The following UST variants were observed in gnomAD, a reference collection of about 807,000 sequenced individuals.
UST encodes uronyl 2-sulfotransferase.
In UST, 21 loss-of-function variants were observed where a neutral mutation model predicts 45.6. The ratio of observed to expected loss-of-function variants is 0.46; its 90% CI spans 0.33 to 0.66. UST has a LOEUF of 0.66. Ranked by LOEUF, UST falls within the 30% of genes least tolerant of loss-of-function variation. The pLI is 0.02. For synonymous variants in UST, 215 were observed against 200.6 expected, an observed-to-expected ratio of 1.07 and a Z score of -0.61; for missense variants, 463 against 512.4, an observed-to-expected ratio of 0.90 and a Z score of 0.93.
intron 1 of UST, among the ~76,000 whole-genome samples, chr6:148,822,895 ATAAAT>A (rs1777493314): frequency 6.6e-6 from 1 of 152,248 alleles, no homozygotes; most frequent in Non-Finnish European, 1.5e-5. Context: ...GTTTTTATTA[ATAAAT>A]TAAATAACCT....
chr6:148,783,066 A>G (rs1383434197), intron 1 of UST, among the ~76,000 whole-genome samples: 1 of 152,238 alleles, frequency 6.6e-6, no homozygotes, highest in East Asian at 1.9e-4. Flanking sequence ...TTTAGCAACC[A>G]TCACCCTGAT....
chr6:149,040,414 T>C (rs773114610), intron 7 of UST, among the ~76,000 whole-genome samples: 15 of 152,048 alleles, frequency 9.9e-5, no homozygotes, highest in Non-Finnish European at 1.6e-4. Flanking sequence ...TCTCAACAGT[T>C]TGGGAGGCCG....
intron 1 of UST, among the ~76,000 whole-genome samples, chr6:148,765,407 C>T (rs146354341): frequency 0.021 from 3,170 of 152,240 alleles, 99 homozygotes; most frequent in African/African-American, 0.071. Context: ...GCTATCCCTC[C>T]AGCTTTGTTC....
At chr6:148,846,404 A>T (rs1777990583) in intron 1 of UST, among the ~76,000 whole-genome samples, 1 of 152,032 alleles carries the variant, frequency 6.6e-6, no homozygotes, top group Admixed American at 6.6e-5. Context: ...CAATGAGAAC[A>T]CATGGACGTA....
chr6:148,781,513 T>G (rs1776643663), intron 1 of UST, among the ~76,000 whole-genome samples: 1 of 152,208 alleles, frequency 6.6e-6, no homozygotes, highest in Non-Finnish European at 1.5e-5. Flanking sequence ...AACATAAAAG[T>G]GCAAGGTGAA....
At chr6:148,849,776 C>T (rs749776384) in intron 1 of UST, among the ~76,000 whole-genome samples, 7 of 152,150 alleles carry the variant, frequency 4.6e-5, no homozygotes, top group Admixed American at 6.5e-5. Context: ...ACCTCCACCT[C>T]GTCCTGCCCT....
chr6:148,926,213 C>T (rs952405088), intron 2 of UST, among the ~76,000 whole-genome samples: 3 of 152,200 alleles, frequency 2.0e-5, no homozygotes, highest in African/African-American at 7.2e-5. Flanking sequence ...CAGTGTACTA[C>T]AGGATCAAAA....
At chr6:148,887,481 T>C (rs538382190) in intron 2 of UST, among the ~76,000 whole-genome samples, 1 of 152,326 alleles carries the variant, frequency 6.6e-6, no homozygotes, top group South Asian at 2.1e-4. Flanking sequence ...AAGGCTGCCC[T>C]GGCCTGGCCT....
intron 2 of UST, among the ~76,000 whole-genome samples, chr6:148,892,122 A>G (rs975854527): frequency 6.6e-6 from 1 of 152,198 alleles, no homozygotes; most frequent in Non-Finnish European, 1.5e-5. Flanking sequence ...TTCATTCAAT[A>G]TATTTAGAGA....
rs115351797 is a variant in UST at position 148,874,802 on chromosome 6, G to T, written c.248-12184G>T. 8.1e-3 allele frequency among the ~76,000 whole-genome samples: 1,228 copies of T among 152,314 alleles called. 23 individuals carry two copies. Among genetic ancestry groups the T allele is most frequent in the African/African-American group, 0.028 (1,156 of 41,550 alleles). On this transcript the variant is annotated intron_variant, in intron 1 of 7. Transcript: ENST00000367463. ...ACACAAATTCCTCATTGTTAGCAAC[G>T]GCTGGTGTGTGCTGACAGCTACCTC...
chr6:148,978,180 T>C (rs1781059745), intron 5 of UST, among the ~76,000 whole-genome samples: 1 of 152,210 alleles, frequency 6.6e-6, no homozygotes, highest in Non-Finnish European at 1.5e-5. Flanking sequence ...CAGGTGATAA[T>C]TTTATCTTTC....
intron 1 of UST, among the ~76,000 whole-genome samples, chr6:148,817,023 G>A (rs1777368454): frequency 6.6e-6 from 1 of 152,166 alleles, no homozygotes; most frequent in Non-Finnish European, 1.5e-5. Flanking sequence ...CCCCACTCCT[G>A]GTTATCAAGA....
chr6:148,971,225 ATT>A (rs5880821), intron 5 of UST, among the ~76,000 whole-genome samples: 72 of 150,950 alleles, frequency 4.8e-4, no homozygotes, highest in African/African-American at 1.1e-3. Context: ...CCAGTCATAC[ATT>A]TTTTTTTTTC....
intron 1 of UST, among the ~76,000 whole-genome samples, chr6:148,852,851 G>A (rs142472202): frequency 1.2e-4 from 19 of 152,260 alleles, no homozygotes; most frequent in Non-Finnish European, 2.5e-4. Flanking sequence ...TAAGGTCTGT[G>A]AGGGTCAGAA....
intron 1 of UST, among the ~76,000 whole-genome samples, chr6:148,820,313 C>CGT (rs146697321): frequency 0.079 from 12,048 of 152,098 alleles, 521 homozygotes; most frequent in Non-Finnish European, 0.11. Context: ...TCTCAAGACA[C>CGT]GTGTGTGTGT....
At chr6:148,964,863 T>G (rs1008358130) in intron 5 of UST, among the ~76,000 whole-genome samples, 1 of 152,216 alleles carries the variant, frequency 6.6e-6, no homozygotes, top group Admixed American at 6.5e-5. Flanking sequence ...TGACTAGCAC[T>G]GTAGTGCTTA....
At chr6:149,004,976 T>C (rs1781619886) in intron 5 of UST, among the ~76,000 whole-genome samples, 2 of 150,676 alleles carry the variant, frequency 1.3e-5, no homozygotes, top group Admixed American at 6.6e-5. Flanking sequence ...GGGACTACAG[T>C]AGGCATGAAC....
At chr6:148,976,804 A>T (rs1260464572) in intron 5 of UST, among the ~76,000 whole-genome samples, 1 of 152,166 alleles carries the variant, frequency 6.6e-6, no homozygotes, top group East Asian at 1.9e-4. Flanking sequence ...TTGTTTTCCT[A>T]GTTAGTAATC....
rs201452923 is a variant in UST, at chr6:149,018,285, T to A, written c.682-854T>A. ...AGATACAGTAGCTTCTACCGACTCA[T>A]AATTTCATCAACCATATTTGGGAGT... is the stretch of plus-strand genomic sequence containing the variant. On this transcript the variant is annotated intron_variant, in intron 5 of 7. Transcript: ENST00000367463. Among the ~76,000 whole-genome samples, 19 of 152,260 alleles carry A rather than the reference T, an allele frequency of 1.2e-4. No homozygotes were observed. In the East Asian group the frequency reaches 3.7e-3, roughly 29 times the overall value.
Sources: allele counts gnomAD v4.1 joint callset (sites outside exome capture counted in the v4.1 genomes callset), GRCh38; gene constraint gnomAD v4.1.1; transcripts MANE v1.5; gene names NCBI Gene and HGNC (gene_info 2026-07-23, HGNC 2026-07-21).